Variants in TMEM117 observed in about 807,000 individuals in gnomAD.
TMEM117 encodes transmembrane protein 117.
A neutral mutation model predicts 52.4 loss-of-function variants in TMEM117; 27 were observed. The ratio of observed to expected loss-of-function variants is 0.51; its 90% CI spans 0.38 to 0.71. TMEM117 has a LOEUF of 0.71. Among genes scored for constraint, TMEM117 ranks in the 30% least tolerant of loss-of-function variants. TMEM117 has a pLI of 0.00. For synonymous variants in TMEM117, 215 were observed against 206.3 expected (o/e 1.04, Z -0.36); for missense variants, 556 against 630.5 (o/e 0.88, Z 1.26).
At chr12:44,364,897 T>C (rs1452873909) in intron 6 of TMEM117, among the ~76,000 whole-genome samples, 2 of 152,100 alleles carry the variant, frequency 1.3e-5, no homozygotes, top group Middle Eastern at 3.2e-3. Context: ...ATAAAAGCTG[T>C]GTCTTTTTAG....
rs555502546 is a variant in TMEM117 at position 44,372,153 on chromosome 12, G to A, written c.769-4442G>A. Among the ~76,000 whole-genome samples the A allele has an allele frequency of 1.2e-4, 19 of 152,204 alleles. No individual in the cohort carries two copies. In the Middle Eastern group the frequency reaches 0.017, roughly 136 times the overall value. On this transcript the variant is annotated intron_variant, in intron 6 of 7. Transcript: ENST00000266534. Reference sequence around the variant, plus strand: ...ATTGTAAGATTTAATAGCAGAGAACGATAAGAAAGCTTTGAATTACTAAAC... The same window carrying A: ...ATTGTAAGATTTAATAGCAGAGAACAATAAGAAAGCTTTGAATTACTAAAC...
intron 1 of TMEM117, among the ~76,000 whole-genome samples, chr12:43,836,541 G>A (rs953192709): frequency 6.6e-6 from 1 of 152,140 alleles, no homozygotes; most frequent in African/African-American, 2.4e-5. Context: ...CGGGAGAGCA[G>A]ACCTTGAACT....
In TMEM117 at chr12:44,313,488, T is replaced by G. The variant is rs921210399; in HGVS notation, c.768+13749T>G. Among the ~76,000 whole-genome samples, 4 of 152,182 alleles carry G rather than the reference T, an allele frequency of 2.6e-5. No homozygotes were observed. The East Asian group carries it at 7.7e-4, about 29-fold the overall frequency. Reference sequence around the variant, plus strand: ...CTGTCTGTCTGTTTTTGTACCAATATCATGCTGTTTTGATTACTGTAGCCA... The same window carrying G: ...CTGTCTGTCTGTTTTTGTACCAATAGCATGCTGTTTTGATTACTGTAGCCA... On this transcript the variant is annotated intron_variant, in intron 6 of 7. Coordinates refer to ENST00000266534, the MANE Select transcript of TMEM117 (RefSeq NM_032256.3).
chr12:44,071,211 G>A (rs1044924141), intron 3 of TMEM117, among the ~76,000 whole-genome samples: 3 of 152,114 alleles, frequency 2.0e-5, no homozygotes, highest in Non-Finnish European at 4.4e-5. Context: ...CAGAACAGCC[G>A]CGCTCGTGCC....
At chr12:43,874,622 A>G (rs527746415) in intron 2 of TMEM117, among the ~76,000 whole-genome samples, 2 of 152,124 alleles carry the variant, frequency 1.3e-5, no homozygotes, top group Non-Finnish European at 2.9e-5. Flanking sequence ...AGCCATATTA[A>G]ATCCTGGGAG....
chr12:44,121,764 G>C (rs1948239071), intron 3 of TMEM117, among the ~76,000 whole-genome samples: 1 of 152,118 alleles, frequency 6.6e-6, no homozygotes, highest in South Asian at 2.1e-4. Flanking sequence ...TGGGTAAGTT[G>C]TGTGTTGTGG....
the TMEM117 span, among the ~76,000 whole-genome samples, chr12:43,822,232 G>A: frequency 6.6e-6 from 1 of 152,194 alleles, no homozygotes; most frequent in African/African-American, 2.4e-5. Flanking sequence ...TCTTGCGTGA[G>A]CCCAGATAAT....
rs549868769 is a variant in TMEM117, at chr12:44,015,503, T to A, written c.410+71161T>A. The stretch of plus-strand genomic sequence containing the variant: ...AAGCTTTTGCTCAAATTTTTTTTTG[T>A]CCATGTTGAAATGAGAATTAAAATC... On this transcript the variant is annotated intron_variant, in intron 3 of 7. Coordinates refer to ENST00000266534, the MANE Select transcript of TMEM117 (RefSeq NM_032256.3). 2.1e-4 allele frequency among the ~76,000 whole-genome samples: 32 copies of A among 152,244 alleles called. No homozygotes were observed. In the South Asian group the frequency reaches 3.5e-3, roughly 17 times the overall value.
At chr12:44,073,597 G>A (rs1281233174) in intron 3 of TMEM117, 1 of 152,230 alleles carries the variant, frequency 6.6e-6, no homozygotes, top group African/African-American at 2.4e-5. Flanking sequence ...AAGTCAACGT[G>A]GCAAGTTTCA....
chr12:44,350,577 T>C lies in TMEM117; in HGVS notation c.769-26018T>C, dbSNP rs1951548586. Among the ~76,000 whole-genome samples, 3 of 151,994 alleles carry C rather than the reference T, an allele frequency of 2.0e-5. No individual in the cohort carries two copies. The South Asian group carries it at 6.2e-4, about 31-fold the overall frequency. ...CTCTCTATCTCCATGAGTTCAGCTG[T>C]TTTGATTTTTAGATCCCACAAATAA... On this transcript the variant is annotated intron_variant, in intron 6 of 7. Transcript: ENST00000266534.
chr12:44,376,232 A>G (rs1717829319), intron 6 of TMEM117, among the ~76,000 whole-genome samples: 1 of 152,218 alleles, frequency 6.6e-6, no homozygotes, highest in Admixed American at 6.5e-5. Flanking sequence ...ATGAAACAAA[A>G]TATAACAAAT....
chr12:44,125,254 G>T (rs1003981647), intron 3 of TMEM117, among the ~76,000 whole-genome samples: 3 of 152,068 alleles, frequency 2.0e-5, no homozygotes, highest in South Asian at 4.1e-4. Flanking sequence ...ACAGGCGTCC[G>T]CCACCAAGCC....
chr12:44,185,895 C>T (rs966605227), intron 4 of TMEM117, among the ~76,000 whole-genome samples: 42 of 151,792 alleles, frequency 2.8e-4, no homozygotes, highest in African/African-American at 9.9e-4. Context: ...CACACACACA[C>T]ACACACACAC....
At chr12:44,167,707 G>C (rs1250247514) in intron 4 of TMEM117, among the ~76,000 whole-genome samples, 1 of 152,080 alleles carries the variant, frequency 6.6e-6, no homozygotes, top group African/African-American at 2.4e-5. Context: ...AGGGGTTCTT[G>C]TTTCAGCTCT....
chr12:43,801,542 TCTA>T, the TMEM117 span, among the ~76,000 whole-genome samples: 1 of 152,202 alleles, frequency 6.6e-6, no homozygotes, highest in East Asian at 1.9e-4. Flanking sequence ...ATACAGTCAA[TCTA>T]CTACCAGCTT....
intron 3 of TMEM117, among the ~76,000 whole-genome samples, chr12:44,091,440 G>A (rs542754820): frequency 6.6e-6 from 1 of 152,294 alleles, no homozygotes; most frequent in East Asian, 1.9e-4. Flanking sequence ...AGTACCATAG[G>A]TTGGGCTCCT....
rs149555021 is a variant in TMEM117 at position 44,298,089 on chromosome 12, G to GA, written c.609-1482dup. The stretch of plus-strand genomic sequence containing the variant: ...TAATGTATCTTTCCATTCATGAGGA[G>GA]AAAAAAAAACATAAGAAGTGTTTCT... On this transcript the variant is annotated intron_variant, in intron 5 of 7. Coordinates refer to ENST00000266534, the MANE Select transcript of TMEM117 (RefSeq NM_032256.3). 2.4e-4 allele frequency among the ~76,000 whole-genome samples: 34 copies of GA among 142,210 alleles called. 2 individuals carry two copies. The highest frequency in any genetic ancestry group is 6.3e-4 in the South Asian group (3 of 4,754). The allele number at this position is 142,210 out of a possible 152,430, so 93.3% of individuals were successfully genotyped here.
At chr12:44,298,476 G>A (rs554637622) in intron 5 of TMEM117, among the ~76,000 whole-genome samples, 2 of 149,544 alleles carry the variant, frequency 1.3e-5, no homozygotes, top group Admixed American at 6.6e-5. Flanking sequence ...GCCCTGAAAA[G>A]CACAGGCTTA....
intron 6 of TMEM117, 120 bp from the exon 7 acceptor site, chr12:44,376,475 C>T (rs1223442672): frequency 8.4e-7 from 1 of 1,191,540 alleles, no homozygotes. Context: ...CTGATATATC[C>T]AACAGCTGGC....
Sources: allele counts gnomAD v4.1 joint callset (sites outside exome capture counted in the v4.1 genomes callset), GRCh38; gene constraint gnomAD v4.1.1; transcripts MANE v1.5; gene names NCBI Gene and HGNC (gene_info 2026-07-23, HGNC 2026-07-21).